The following TDP1 variants were observed in gnomAD, a reference collection of about 807,000 sequenced individuals.
TDP1 encodes tyr-DNA phosphodiesterase 1.
A neutral mutation model predicts 81.5 loss-of-function variants in TDP1; 64 were observed. The ratio of observed to expected loss-of-function variants is 0.79; its 90% CI spans 0.64 to 0.97. TDP1 has a LOEUF of 0.97. TDP1 is among the 50% of genes least tolerant of loss of function. The pLI is 0.00. For missense variants in TDP1, 723 were observed against 743.8 expected (o/e 0.97, Z 0.33); for synonymous variants, 256 against 264.3 (o/e 0.97, Z 0.30).
At chr14:89,991,450 T>C (rs1160923712) in intron 12 of TDP1, 1 of 599,062 alleles carries the variant, frequency 1.7e-6, no homozygotes, top group Non-Finnish European at 2.1e-6. Flanking sequence ...AATGAGGTAA[T>C]TTACTTTTAT....
chr14:89,999,973 G>A (rs188085276), intron 14 of TDP1, among the ~76,000 whole-genome samples: 4 of 152,190 alleles, frequency 2.6e-5, no homozygotes, highest in South Asian at 2.1e-4. Context: ...GAGTCTGGGC[G>A]TGGATTAGCT....
At chr14:89,964,761 T>A (rs1263297557) in intron 3 of TDP1, 4 of 343,856 alleles carry the variant, frequency 1.2e-5, no homozygotes, top group African/African-American at 8.9e-5. Context: ...CAAGTTTTGC[T>A]CTATATAATA....
At position 89,989,100 on chromosome 14, in the gene TDP1, C is replaced by T. The variant is rs367950465; in HGVS notation, c.1317+10C>T. The T allele has an allele frequency of 7.4e-6, 12 of 1,611,290 alleles. No homozygotes were observed. The highest frequency in any genetic ancestry group is 1.7e-4 in the Middle Eastern group (1 of 5,822). On this transcript the variant is annotated intron_variant, in intron 11 of 16. Coordinates refer to ENST00000335725, the MANE Select transcript of TDP1 (RefSeq NM_018319.4). The stretch of plus-strand genomic sequence containing the variant: ...TGTTCCTCTTTACTTGGTGAGTTCT[C>T]GTCCTCATTGAGGTAGTTTACTTTT...
At chr14:90,032,156 A>G (rs1478229294) in intron 15 of TDP1, among the ~76,000 whole-genome samples, 2 of 152,202 alleles carry the variant, frequency 1.3e-5, no homozygotes, top group South Asian at 4.1e-4. Context: ...TCAGCTTAAT[A>G]AATGCCAGAG....
intron 15 of TDP1, among the ~76,000 whole-genome samples, chr14:90,031,001 G>T (rs1039332173): frequency 5.2e-4 from 79 of 151,884 alleles, no homozygotes; most frequent in African/African-American, 1.9e-3. Context: ...TTGAACTCCG[G>T]ACCTCAAGTG....
intron 11 of TDP1, 89 bp downstream of exon 11, chr14:89,989,179 G>A: frequency 1.3e-6 from 1 of 778,250 alleles, no homozygotes; most frequent in Non-Finnish European, 1.9e-6. Context: ...ATGGAGAGAT[G>A]TTTTATTCTG....
chr14:90,019,665 G>A (rs1309862238), intron 15 of TDP1, among the ~76,000 whole-genome samples: 1 of 152,144 alleles, frequency 6.6e-6, no homozygotes, highest in African/African-American at 2.4e-5. Context: ...TGCTTCCAGC[G>A]AAATTAATAA....
At chr14:89,999,483 C>T (rs1897003921) in intron 14 of TDP1, among the ~76,000 whole-genome samples, 2 of 152,056 alleles carry the variant, frequency 1.3e-5, no homozygotes, top group African/African-American at 2.4e-5. Flanking sequence ...TCAAAAGCTA[C>T]GTAAATTTAA....
intron 8 of TDP1, 183 bp from the exon 9 acceptor site, chr14:89,984,333 C>G: frequency 1.0e-6 from 1 of 985,336 alleles, no homozygotes; most frequent in South Asian, 4.7e-5. Flanking sequence ...AGGAATAATT[C>G]TGAATGTGAT....
chr14:89,963,099 C>A lies in TDP1; in HGVS notation c.-7-9C>A. 1.2e-6 allele frequency: 2 copies of A among 1,614,000 alleles called. No individual in the cohort carries two copies. The highest frequency in any genetic ancestry group is 1.7e-6 in the Non-Finnish European group (2 of 1,179,980). ...GGGAAATGCTGATGTTTCCACTTTT[C>A]ATTTCCAGGAGTATAATGTCTCAGG... is the stretch of plus-strand genomic sequence containing the variant. On this transcript the variant is annotated splice_polypyrimidine_tract_variant and intron_variant, in intron 2 of 16. Coordinates refer to ENST00000335725, the MANE Select transcript of TDP1 (RefSeq NM_018319.4).
intron 14 of TDP1, among the ~76,000 whole-genome samples, chr14:89,996,878 C>G (rs34264948): frequency 0.024 from 3,644 of 152,264 alleles, 77 homozygotes; most frequent in Non-Finnish European, 0.037. Flanking sequence ...GTGGCGTTAT[C>G]CCCTCCCTCC....
At chr14:89,989,833 A>T in intron 12 of TDP1, 68 bp downstream of exon 12, 1 of 1,262,294 alleles carries the variant, frequency 7.9e-7, no homozygotes, top group Non-Finnish European at 1.2e-6. Context: ...GTAAAGTTTT[A>T]CTACTATTGC....
At chr14:89,979,946 C>T (rs967916532) in intron 7 of TDP1, among the ~76,000 whole-genome samples, 3 of 152,164 alleles carry the variant, frequency 2.0e-5, no homozygotes, top group Non-Finnish European at 2.9e-5. Context: ...ACACTTTTGA[C>T]AAGTGTGGCA....
chr14:90,019,125 G>A lies in TDP1; in HGVS notation c.1542-191G>A, dbSNP rs185063516. The A allele has an allele frequency of 8.0e-3, 7,799 of 973,808 alleles. 39 individuals carry two copies. The highest frequency in any genetic ancestry group is 0.015 in the Middle Eastern group (28 of 1,892). 60.3% of individuals were successfully genotyped at this position (973,808 alleles called of 1,614,324 possible). On this transcript the variant is annotated intron_variant, in intron 14 of 16. Transcript: ENST00000335725. ...TGAAACTATCCCAAATTAGCAATTAGATAAATCTCGAGGATTAGAGAACAG... is the reference window on the plus strand; with the variant it reads ...TGAAACTATCCCAAATTAGCAATTAAATAAATCTCGAGGATTAGAGAACAG...
chr14:89,981,604 A>G (rs1423607320), intron 8 of TDP1: 2 of 392,092 alleles, frequency 5.1e-6, no homozygotes, highest in Admixed American at 3.1e-5. Flanking sequence ...ACCCTGCCCC[A>G]TATCATTGCC....
intron 7 of TDP1, among the ~76,000 whole-genome samples, chr14:89,976,084 A>G (rs1894274783): frequency 6.6e-6 from 1 of 152,188 alleles, no homozygotes; most frequent in African/African-American, 2.4e-5. Flanking sequence ...AATAGAACCT[A>G]TTTATTCTAA....
chr14:90,034,720 G>A (rs1887648266), intron 16 of TDP1, among the ~76,000 whole-genome samples: 1 of 152,216 alleles, frequency 6.6e-6, no homozygotes, highest in African/African-American at 2.4e-5. Flanking sequence ...ATAATCTGCA[G>A]GTTTCTGAGC....
intron 15 of TDP1, among the ~76,000 whole-genome samples, chr14:90,024,342 C>A (rs1886413374): frequency 6.6e-6 from 1 of 152,196 alleles, no homozygotes; most frequent in Non-Finnish European, 1.5e-5. Flanking sequence ...CCTGTCTCCA[C>A]TCCAGGCACC....
chr14:89,975,587 T>TG, intron 6 of TDP1, 194 bp from the exon 7 acceptor site: 5 of 714,616 alleles, frequency 7.0e-6, no homozygotes, highest in South Asian at 6.4e-5. Context: ...TTGTGTTTTT[T>TG]TTTTTTTTTT....
Sources: allele counts gnomAD v4.1 joint callset (sites outside exome capture counted in the v4.1 genomes callset), GRCh38; gene constraint gnomAD v4.1.1; transcripts MANE v1.5; gene names NCBI Gene and HGNC (gene_info 2026-07-23, HGNC 2026-07-21).